The following FAT3 variants were observed in gnomAD, a reference collection of about 807,000 sequenced individuals.
The protein encoded by FAT3 is protocadherin Fat 3.
FAT3 carries 95 observed loss-of-function variants against 310.2 expected under a neutral mutation model. The ratio of observed to expected loss-of-function variants is 0.31; its 90% CI spans 0.26 to 0.36. The LOEUF is 0.36. Among genes scored for constraint, FAT3 ranks in the 10% least tolerant of loss-of-function variants. The probability of loss-of-function intolerance (pLI) is 1.00; values close to 1 mark genes in which losing one functional copy is unlikely to be tolerated. For synonymous variants in FAT3, 2,314 were observed against 2,192.9 expected (o/e 1.06, Z -1.54); for missense variants, 5,408 against 5,715.6 (o/e 0.95, Z 1.74).
intron 3 of FAT3, among the ~76,000 whole-genome samples, chr11:92,610,202 G>A (rs183977026): frequency 6.6e-6 from 1 of 152,186 alleles, no homozygotes; most frequent in Non-Finnish European, 1.5e-5. Context: ...CATGAGAAGG[G>A]GTGTTTCAGT....
At chr11:92,696,041 A>G (rs1429258211) in intron 3 of FAT3, among the ~76,000 whole-genome samples, 1 of 152,160 alleles carries the variant, frequency 6.6e-6, no homozygotes, top group Non-Finnish European at 1.5e-5. Flanking sequence ...TAGGTGATGG[A>G]TATGTTAATT....
chr11:92,298,441 T>G (rs185398817), intron 1 of FAT3, among the ~76,000 whole-genome samples: 1 of 152,278 alleles, frequency 6.6e-6, no homozygotes, highest in Non-Finnish European at 1.5e-5. Context: ...TTTCCCTATG[T>G]ACAGTCACAT....
At chr11:92,703,998 A>G (rs1944183834) in intron 4 of FAT3, among the ~76,000 whole-genome samples, 1 of 152,346 alleles carries the variant, frequency 6.6e-6, no homozygotes, top group East Asian at 1.9e-4. Flanking sequence ...AGGTCATACA[A>G]CTACTTCATG....
chr11:92,262,913 G>C (rs1406032564), intron 1 of FAT3, among the ~76,000 whole-genome samples: 1 of 151,994 alleles, frequency 6.6e-6, no homozygotes, highest in African/African-American at 2.4e-5. Flanking sequence ...GGCAATTACT[G>C]TCGTCAAGGT....
chr11:92,247,855 G>A (rs921870077), intron 1 of FAT3, among the ~76,000 whole-genome samples: 1 of 151,682 alleles, frequency 6.6e-6, no homozygotes, highest in African/African-American at 2.4e-5. Flanking sequence ...TGTTGTTGCA[G>A]CTACTCAGTA....
chr11:92,440,852 TGTAGGGTCGTAG>T (rs1951049894), intron 2 of FAT3, among the ~76,000 whole-genome samples: 1 of 152,166 alleles, frequency 6.6e-6, no homozygotes, highest in African/African-American at 2.4e-5. Context: ...GTAAGTTGGT[TGTAGGGTCGTAG>T]TTCTGGCTAT....
At chr11:92,263,463 T>A (rs545550359) in intron 1 of FAT3, among the ~76,000 whole-genome samples, 2 of 152,226 alleles carry the variant, frequency 1.3e-5, no homozygotes, top group East Asian at 3.9e-4. Context: ...ATCATTGCTT[T>A]ATAAAGATTT....
intron 3 of FAT3, among the ~76,000 whole-genome samples, chr11:92,605,957 A>G (rs1940270737): frequency 6.6e-6 from 1 of 152,230 alleles, no homozygotes; most frequent in Non-Finnish European, 1.5e-5. Context: ...TGTGGCAGAC[A>G]GCAAATTCAG....
At chr11:92,357,519 A>G (rs1458303628) in intron 2 of FAT3, among the ~76,000 whole-genome samples, 1 of 152,140 alleles carries the variant, frequency 6.6e-6, no homozygotes, top group Non-Finnish European at 1.5e-5. Flanking sequence ...GTCATTGATT[A>G]ACCTTCCTGT....
At chr11:92,234,689 G>A (rs2508593) in intron 1 of FAT3, among the ~76,000 whole-genome samples, 30,184 of 151,906 alleles carry the variant, frequency 0.2, 3,179 homozygotes, top group East Asian at 0.38. Flanking sequence ...GGATCACAAG[G>A]TCAGGAGTTC....
intron 22 of FAT3, among the ~76,000 whole-genome samples, chr11:92,880,068 T>C (rs1233439219): frequency 6.6e-6 from 1 of 151,792 alleles, no homozygotes; most frequent in Non-Finnish European, 1.5e-5. Context: ...CATCTGATAT[T>C]TCATATTCTC....
chr11:92,355,333 G>A lies in FAT3; in HGVS notation c.3221G>A (p.Arg1074Lys), dbSNP rs1948701942. 6.2e-7 allele frequency: 1 copy of A among 1,613,802 alleles called. No homozygotes were observed. The highest frequency in any genetic ancestry group is 8.5e-7 in the Non-Finnish European group (1 of 1,179,842). Reference sequence around the variant, plus strand: ...ACTGCTCGAGATGAAGACTCCGGAAGGGATGGAGAGATCCAGTACTCCATC... The same window carrying A: ...ACTGCTCGAGATGAAGACTCCGGAAAGGATGGAGAGATCCAGTACTCCATC... Reference protein sequence around the residue: ...QVTARDEDSGRDGEIQYSIRD... With the variant: ...QVTARDEDSGKDGEIQYSIRD... Residue 1074 changes from arginine (R) to lysine (K), a missense_variant, in exon 2 of 28, where the codon AGG becomes AAG. Transcript: ENST00000525166.
At chr11:92,724,396 G>A (rs1385833292) in intron 4 of FAT3, among the ~76,000 whole-genome samples, 2 of 152,166 alleles carry the variant, frequency 1.3e-5, no homozygotes, top group Non-Finnish European at 2.9e-5. Flanking sequence ...ACTGGTCAAA[G>A]CAAGTTACTA....
chr11:92,793,320 C>A lies in FAT3; in HGVS notation c.4822+343C>A, dbSNP rs140985577. Among the ~76,000 whole-genome samples the A allele has an allele frequency of 2.9e-3, 445 of 152,230 alleles. 1 individual carries two copies. The highest frequency in any genetic ancestry group is 0.01 in the African/African-American group (416 of 41,548). On this transcript the variant is annotated intron_variant, in intron 9 of 27. Coordinates refer to ENST00000525166, the MANE Select transcript of FAT3 (RefSeq NM_001367949.2). ...GACTAAAATAACAAAAGCCGCCCGCCGATCATCTGAGGCCTGCCAGGGTGT... is the reference window on the plus strand; with the variant it reads ...GACTAAAATAACAAAAGCCGCCCGCAGATCATCTGAGGCCTGCCAGGGTGT...
At chr11:92,604,624 T>C (rs773698140) in intron 3 of FAT3, among the ~76,000 whole-genome samples, 1 of 152,220 alleles carries the variant, frequency 6.6e-6, no homozygotes, top group Non-Finnish European at 1.5e-5. Flanking sequence ...ATACACATCC[T>C]GCGTCACCTT....
chr11:92,507,584 T>C (rs1417423731), intron 2 of FAT3, among the ~76,000 whole-genome samples: 1 of 151,870 alleles, frequency 6.6e-6, no homozygotes, highest in African/African-American at 2.4e-5. Context: ...CCTATATCTG[T>C]ACACCCTATA....
intron 2 of FAT3, among the ~76,000 whole-genome samples, chr11:92,450,083 A>G (rs774324868): frequency 7.9e-5 from 12 of 152,104 alleles, no homozygotes; most frequent in Admixed American, 6.6e-4. Context: ...CCAGAGGCCA[A>G]TGCTGCCCCT....
chr11:92,310,677 G>T (rs905349229), intron 1 of FAT3, among the ~76,000 whole-genome samples: 1 of 151,924 alleles, frequency 6.6e-6, no homozygotes, highest in Non-Finnish European at 1.5e-5. Flanking sequence ...GTGTATGTTT[G>T]TATATGTATA....
At chr11:92,560,729 T>G (rs1955195794) in intron 3 of FAT3, among the ~76,000 whole-genome samples, 1 of 152,230 alleles carries the variant, frequency 6.6e-6, no homozygotes, top group African/African-American at 2.4e-5. Flanking sequence ...AATACCTCAT[T>G]CTGCTCATCA....
Sources: gnomAD v4.1 joint callset for allele counts (sites outside exome capture counted in the v4.1 genomes callset) on GRCh38, gnomAD v4.1.1 for gene constraint, MANE v1.5 for transcripts, NCBI Gene and HGNC (gene_info 2026-07-23, HGNC 2026-07-21) for gene names.